The following ZNF496 variants were observed in gnomAD, a reference collection of about 807,000 sequenced individuals.
The protein encoded by ZNF496 is NSD1 (nuclear receptor binding SET-domain containing 1)-interacting zinc finger protein 1.
ZNF496 carries 11 observed loss-of-function variants against 58.9 expected under a neutral mutation model. That is an observed-to-expected ratio of 0.19 (90% CI 0.12 to 0.31). The LOEUF (loss-of-function observed/expected upper bound fraction) is 0.31, where lower values mean the gene tolerates loss of function less well. Ranked by LOEUF, ZNF496 falls within the 10% of genes least tolerant of loss-of-function variation. The pLI is 1.00. For synonymous variants in ZNF496, 338 were observed against 318.2 expected (o/e 1.06, Z -0.66); for missense variants, 660 against 783.0 (o/e 0.84, Z 1.88).
chr1:247,319,804 T>C (rs1056081145), intron 6 of ZNF496, among the ~76,000 whole-genome samples: 1 of 152,070 alleles, frequency 6.6e-6, no homozygotes, highest in Non-Finnish European at 1.5e-5. Context: ...GCGCCTGTAG[T>C]CTCAGCTACT....
intron 6 of ZNF496, among the ~76,000 whole-genome samples, chr1:247,322,202 G>A (rs985229502): frequency 3.1e-4 from 47 of 152,174 alleles, no homozygotes; most frequent in Admixed American, 4.6e-4. Flanking sequence ...AGGATGGCTT[G>A]AGCTCAGGAG....
At chr1:247,306,090 A>T (rs1051261712) in intron 9 of ZNF496, among the ~76,000 whole-genome samples, 4 of 152,212 alleles carry the variant, frequency 2.6e-5, no homozygotes, top group African/African-American at 9.6e-5. Context: ...TATTTAGAAG[A>T]ACCTATGAAA....
intron 9 of ZNF496, among the ~76,000 whole-genome samples, chr1:247,306,499 T>C (rs1659415285): frequency 7.2e-6 from 1 of 139,162 alleles, no homozygotes; most frequent in Non-Finnish European, 1.6e-5. Context: ...ACCTGGCCGT[T>C]TTTTTTTTCT....
chr1:247,329,170 C>T lies in ZNF496; in HGVS notation c.390+19G>A. The T allele has an allele frequency of 6.2e-6, 10 of 1,613,280 alleles. No individual in the cohort carries two copies. Among genetic ancestry groups the T allele is most frequent in the Non-Finnish European group, 8.5e-6 (10 of 1,180,026 alleles). On this transcript the variant is annotated intron_variant, in intron 4 of 9. Coordinates refer to ENST00000682384, the MANE Select transcript of ZNF496 (RefSeq NM_032752.3). This position sits in a 1 kb window ranked among gnomAD's most constrained non-coding sequence, Gnocchi z 5.5. Reference sequence around the variant, plus strand: ...AGTACCAGATCTCTACCCGTCCCAGCCCCACCTCTTCTACTCACCCACTGC... The same window carrying T: ...AGTACCAGATCTCTACCCGTCCCAGTCCCACCTCTTCTACTCACCCACTGC...
chr1:247,327,813 C>T (rs1211901046), intron 5 of ZNF496, among the ~76,000 whole-genome samples: 6 of 83,742 alleles, frequency 7.2e-5, no homozygotes, highest in Non-Finnish European at 1.3e-4. Context: ...AAGAAAGCCC[C>T]CCTGGCCCCC....
At chr1:247,305,251 G>A (rs1195253540) in intron 9 of ZNF496, among the ~76,000 whole-genome samples, 1 of 152,010 alleles carries the variant, frequency 6.6e-6, no homozygotes, top group Admixed American at 6.6e-5. Flanking sequence ...CTCTAACCTG[G>A]GTGACAGAGC....
intron 7 of ZNF496, chr1:247,310,114 T>C (rs1016385609): frequency 1.4e-6 from 2 of 1,432,096 alleles, no homozygotes; most frequent in Non-Finnish European, 1.8e-6. Flanking sequence ...AAGCCTGATG[T>C]GGCGAGACAG....
At chr1:247,322,961 C>A (rs995723680) in intron 6 of ZNF496, among the ~76,000 whole-genome samples, 193 bp downstream of exon 6, 2 of 152,128 alleles carry the variant, frequency 1.3e-5, no homozygotes, top group African/African-American at 4.8e-5. Flanking sequence ...ACCCAGTGGG[C>A]GGCTGGGACC....
Position 247,329,292 on chromosome 1 carries a change from C to CG in ZNF496, c.286dup (p.Arg96ProfsTer13). Reference sequence around the variant, plus strand: ...CGCCCGCACCCAGCTCTGGATCTCCCGGGGCAGGATGGCCAGGAACTGCTC... The same window carrying CG: ...CGCCCGCACCCAGCTCTGGATCTCCCGGGGGCAGGATGGCCAGGAACTGCTC... On this transcript the variant is annotated frameshift_variant, in exon 4 of 10. Coordinates refer to ENST00000682384, the MANE Select transcript of ZNF496 (RefSeq NM_032752.3). LOFTEE classifies it high-confidence loss of function. The surrounding 1 kb of genome is among the most constrained non-coding windows in gnomAD (Gnocchi z 5.5). 1 of 1,613,620 alleles carries CG rather than the reference C, an allele frequency of 6.2e-7. No homozygotes were observed.
At chr1:247,325,962 C>T (rs893155839) in intron 5 of ZNF496, among the ~76,000 whole-genome samples, 4 of 151,648 alleles carry the variant, frequency 2.6e-5, no homozygotes, top group Non-Finnish European at 5.9e-5. Flanking sequence ...TCATGTTGGC[C>T]GGGCACAGTG....
chr1:247,328,623 C>A, intron 5 of ZNF496, 60 bp downstream of exon 5: 1 of 1,443,680 alleles, frequency 6.9e-7, no homozygotes, highest in African/African-American at 1.4e-5. Context: ...ACACCCAGTG[C>A]ACAGTATGGG....
rs548470332 is a variant in ZNF496, at chr1:247,305,176, G to A, written c.1006+3299C>T. ...GGGCTCCCACATATGGTGGGAGGCC[G>A]AGGCAGGAAAATTGCTGGAACACGG... is the stretch of plus-strand genomic sequence containing the variant. On this transcript the variant is annotated intron_variant, in intron 9 of 9. Transcript: ENST00000682384. Among the ~76,000 whole-genome samples, 9 of 152,220 alleles carry A rather than the reference G, an allele frequency of 5.9e-5. No homozygotes were observed. In the East Asian group the frequency reaches 1.4e-3, roughly 23 times the overall value.
In ZNF496 at chr1:247,310,403, C is replaced by T; in HGVS notation, c.705G>A (p.Trp235Ter). The change falls in exon 7 of 10, where the codon TGG (tryptophan) becomes TGA (stop). Residue 235 changes from tryptophan (W) to a stop codon, truncating the protein, a stop_gained. Transcript: ENST00000682384. LOFTEE classifies it high-confidence loss of function. ...CAGTCTGGGCAGGATCTAGAAGGGA[C>T]CAATCCTCTTCAGAGAAGCATAAAA... ...DMILCFSEED[W>*]SLLDPAQTGF... The T allele has an allele frequency of 6.2e-7, 1 of 1,614,144 alleles. No homozygotes were observed. The highest frequency in any genetic ancestry group is 8.5e-7 in the Non-Finnish European group (1 of 1,180,024).
intron 6 of ZNF496, among the ~76,000 whole-genome samples, chr1:247,320,899 G>T (rs540531956): frequency 3.5e-4 from 54 of 152,292 alleles, no homozygotes; most frequent in African/African-American, 1.3e-3. Flanking sequence ...TCATGGCCAG[G>T]CATGGTGGCT....
intron 5 of ZNF496, among the ~76,000 whole-genome samples, chr1:247,324,042 TC>T (rs1401868716): frequency 7.4e-6 from 1 of 135,052 alleles, no homozygotes; most frequent in Non-Finnish European, 1.5e-5. Context: ...ACCACTGCAC[TC>T]CAGCCTGGGT....
rs1248229259 is a variant in ZNF496 at position 247,300,497 on chromosome 1, A to C, written c.*22T>G. On this transcript the variant is annotated 3_prime_UTR_variant, in exon 10 of 10. Transcript: ENST00000682384. This position sits in a 1 kb window ranked among gnomAD's most constrained non-coding sequence, Gnocchi z 5.7. ...TGAGGGGGCAGCACCAGCCAGGGTG[A>C]GGCCGCCCCAGGCGGAGAGGCTCAG... 1.1e-5 allele frequency: 17 copies of C among 1,581,358 alleles called. No individual in the cohort carries two copies. The highest frequency in any genetic ancestry group is 1.7e-5 in the Admixed American group (1 of 57,698).
chr1:247,308,633 C>T lies in ZNF496; in HGVS notation c.893-45G>A. 6.4e-7 allele frequency: 1 copy of T among 1,556,124 alleles called. No individual in the cohort carries two copies. The highest frequency in any genetic ancestry group is 8.9e-7 in the Non-Finnish European group (1 of 1,128,054). On this transcript the variant is annotated intron_variant, in intron 8 of 9. Coordinates refer to ENST00000682384, the MANE Select transcript of ZNF496 (RefSeq NM_032752.3). This position sits in a 1 kb window ranked among gnomAD's most constrained non-coding sequence, Gnocchi z 4.5. The stretch of plus-strand genomic sequence containing the variant: ...GAAAAATTGATTTGTTTTGCACCTA[C>T]AGCACTACCTGGGAGGGTGCTATCC...
At chr1:247,318,724 A>C (rs1659863763) in intron 6 of ZNF496, among the ~76,000 whole-genome samples, 1 of 152,252 alleles carries the variant, frequency 6.6e-6, no homozygotes, top group Non-Finnish European at 1.5e-5. Context: ...GATCTATCTT[A>C]AAAGAATGGC....
intron 2 of ZNF496, among the ~76,000 whole-genome samples, chr1:247,330,462 C>T (rs1049148283): frequency 3.3e-5 from 5 of 152,340 alleles, no homozygotes; most frequent in East Asian, 1.9e-4. Flanking sequence ...TCCGTCACTG[C>T]ACAGCTCAGC....
Sources: allele counts gnomAD v4.1 joint callset (sites outside exome capture counted in the v4.1 genomes callset), GRCh38; gene constraint gnomAD v4.1.1; non-coding constraint Gnocchi (gnomAD v3.1); transcripts MANE v1.5; gene names NCBI Gene and HGNC (gene_info 2026-07-23, HGNC 2026-07-21).